Variants in UBE2D2 observed in about 807,000 individuals in gnomAD.
The protein encoded by UBE2D2 is ubiquitin-conjugating enzyme E2 D2.
In UBE2D2, 2 loss-of-function variants were observed where a neutral mutation model predicts 24.2. The ratio of observed to expected loss-of-function variants is 0.08; its 90% confidence interval spans 0.03 to 0.26. The LOEUF is 0.26. Ranked by LOEUF, UBE2D2 falls within the 10% of genes least tolerant of loss-of-function variation. The probability of loss-of-function intolerance (pLI) is 1.00; values close to 1 mark genes in which losing one functional copy is unlikely to be tolerated. For missense variants in UBE2D2, 44 were observed against 177.6 expected, an observed-to-expected ratio of 0.25 and a Z score of 4.28; for synonymous variants, 58 against 56.5, an observed-to-expected ratio of 1.03 and a Z score of -0.12.
At chr5:139,593,148 A>G (rs912731906) in intron 1 of UBE2D2, among the ~76,000 whole-genome samples, 2 of 151,818 alleles carry the variant, frequency 1.3e-5, no homozygotes, top group Non-Finnish European at 2.9e-5. Flanking sequence ...GGCAAGCGCC[A>G]CCACGCCCAG....
At chr5:139,562,371 A>G in intron 1 of UBE2D2, 1 of 1,334,198 alleles carries the variant, frequency 7.5e-7, no homozygotes, top group Non-Finnish European at 9.9e-7. Flanking sequence ...TTGTCCAGAA[A>G]CTGTTAAGAG....
intron 1 of UBE2D2, among the ~76,000 whole-genome samples, chr5:139,527,434 T>A (rs1330572380): frequency 6.6e-6 from 1 of 152,216 alleles, no homozygotes; most frequent in African/African-American, 2.4e-5. Context: ...AAAGGATAAT[T>A]GAAATCACAA....
chr5:139,628,069 A>G lies in UBE2D2; in HGVS notation c.*1268A>G, dbSNP rs1335716939. 1 of 152,672 alleles carries G rather than the reference A, an allele frequency of 6.5e-6. No homozygotes were observed. Among genetic ancestry groups the G allele is most frequent in the African/African-American group, 2.4e-5 (1 of 41,464 alleles). 9.5% of individuals were successfully genotyped at this position (152,672 alleles called of 1,614,324 possible). ...TTAAGCTTCTGTGATTGTAATTATA[A>G]AAGAGCAACATTGACCAAACCTGGG... On this transcript the variant is annotated 3_prime_UTR_variant, in exon 7 of 7. Transcript: ENST00000398733.
At chr5:139,584,482 C>T (rs911136371) in intron 1 of UBE2D2, among the ~76,000 whole-genome samples, 1 of 151,028 alleles carries the variant, frequency 6.6e-6, no homozygotes, top group African/African-American at 2.4e-5. Flanking sequence ...CTTGTTCTCT[C>T]GTGTTTTACA....
At chr5:139,573,276 T>A (rs1202845956) in intron 1 of UBE2D2, among the ~76,000 whole-genome samples, 3 of 146,472 alleles carry the variant, frequency 2.0e-5, no homozygotes, top group African/African-American at 5.1e-5. Context: ...TACTCCAGCC[T>A]GGACGACAGA....
At chr5:139,576,659 G>A (rs766769794) in intron 1 of UBE2D2, among the ~76,000 whole-genome samples, 5 of 151,886 alleles carry the variant, frequency 3.3e-5, no homozygotes, top group Non-Finnish European at 4.4e-5. Context: ...GAGCCACTGC[G>A]CCCAGCCAGT....
Position 139,566,944 on chromosome 5 carries a change from C to T in UBE2D2, c.24+5129C>T, listed in dbSNP as rs144467008. Among the ~76,000 whole-genome samples, 890 of 150,938 alleles carry T rather than the reference C, an allele frequency of 5.9e-3. 13 individuals carry two copies. Among genetic ancestry groups the T allele is most frequent in the African/African-American group, 0.018 (752 of 41,088 alleles). ...TAAAAAAAAAAAGAACAACAAAATA[C>T]GCATTTTTGGTCGACATCAGTTTAG... On this transcript the variant is annotated intron_variant, in intron 1 of 6. Transcript: ENST00000398733.
intron 2 of UBE2D2, among the ~76,000 whole-genome samples, chr5:139,613,616 C>T (rs1382947548): frequency 2.6e-5 from 4 of 152,158 alleles, no homozygotes; most frequent in East Asian, 1.9e-4. Flanking sequence ...CTTTTTTCCT[C>T]TTTAACTTAT....
intron 1 of UBE2D2, among the ~76,000 whole-genome samples, chr5:139,544,390 C>T (rs1034774828): frequency 6.6e-6 from 1 of 151,528 alleles, no homozygotes; most frequent in African/African-American, 2.4e-5. Context: ...CAGGTTCAAG[C>T]GATTTTCCTG....
chr5:139,529,455 A>G (rs536553004), intron 1 of UBE2D2, among the ~76,000 whole-genome samples: 2 of 152,316 alleles, frequency 1.3e-5, no homozygotes, highest in African/African-American at 4.8e-5. Context: ...GAAAATAAGT[A>G]CATCTGTCAA....
intron 1 of UBE2D2, among the ~76,000 whole-genome samples, chr5:139,535,705 G>A (rs1316950876): frequency 1.3e-5 from 2 of 152,126 alleles, no homozygotes; most frequent in Non-Finnish European, 2.9e-5. Flanking sequence ...AAGAGCATGA[G>A]GCAGGTTTCC....
Position 139,600,404 on chromosome 5 carries a change from A to G in UBE2D2, c.57A>G (p.Ala19=), listed in dbSNP as rs200338627. Reference sequence around the variant, plus strand: ...ATGATCTGGCACGGGACCCTCCAGCACAGTGTTCAGCAGGTCCTGTTGGAG... The same window carrying G: ...ATGATCTGGCACGGGACCCTCCAGCGCAGTGTTCAGCAGGTCCTGTTGGAG... The part of the protein sequence containing the change: ...ELNDLARDPP[A]QCSAGPVGDD... The change falls in exon 2 of 7, where the codon GCA becomes GCG. Residue 19 remains alanine (A), a synonymous_variant. Transcript: ENST00000398733. 6.2e-7 allele frequency: 1 copy of G among 1,614,146 alleles called. No homozygotes were observed. Among genetic ancestry groups the G allele is most frequent in the Non-Finnish European group, 8.5e-7 (1 of 1,180,016 alleles).
intron 1 of UBE2D2, among the ~76,000 whole-genome samples, chr5:139,532,398 C>T (rs1173801653): frequency 1.3e-5 from 2 of 151,102 alleles, no homozygotes; most frequent in African/African-American, 4.9e-5. Flanking sequence ...GTTGCCCAGG[C>T]TGGAGGGCAG....
At chr5:139,553,717 C>CTA (rs1752948895) in intron 1 of UBE2D2, among the ~76,000 whole-genome samples, 1 of 152,080 alleles carries the variant, frequency 6.6e-6, no homozygotes, top group Admixed American at 6.6e-5. Context: ...AATATTGTTT[C>CTA]TATACATATA....
intron 6 of UBE2D2, among the ~76,000 whole-genome samples, chr5:139,625,430 ACC>A (rs71574455): frequency 3.0e-3 from 65 of 21,966 alleles, no homozygotes; most frequent in African/African-American, 0.013. Context: ...ACCCACCCCC[ACC>A]CCCCCCCCTT....
chr5:139,573,476 T>C (rs1337445901), intron 1 of UBE2D2, among the ~76,000 whole-genome samples: 72 of 152,160 alleles, frequency 4.7e-4, no homozygotes. Context: ...TGAAAATTTG[T>C]TTCCAACAGA....
chr5:139,582,368 C>T lies in UBE2D2; in HGVS notation c.25-18004C>T, dbSNP rs149436703. On this transcript the variant is annotated intron_variant, in intron 1 of 6. Transcript: ENST00000398733. Reference sequence around the variant, plus strand: ...GCCTCTGCTTCCTGGTTTCAGGTGACGTCCAGCTAATTTTGTATTTTTAGT... The same window carrying T: ...GCCTCTGCTTCCTGGTTTCAGGTGATGTCCAGCTAATTTTGTATTTTTAGT... Among the ~76,000 whole-genome samples the T allele has an allele frequency of 8.6e-5, 13 of 151,132 alleles. No individual in the cohort carries two copies. The East Asian group carries it at 2.0e-3, about 23-fold the overall frequency.
chr5:139,538,955 G>T (rs1433702321), intron 1 of UBE2D2, among the ~76,000 whole-genome samples: 3 of 152,046 alleles, frequency 2.0e-5, no homozygotes, highest in African/African-American at 7.2e-5. Flanking sequence ...ATACTAGTTG[G>T]CAACAAAAGG....
intron 1 of UBE2D2, among the ~76,000 whole-genome samples, chr5:139,574,104 A>T (rs1753413855): frequency 6.7e-6 from 1 of 148,580 alleles, no homozygotes; most frequent in African/African-American, 2.5e-5. Context: ...TTTTGAGACG[A>T]AGTTTCGTTC....
Sources: allele counts gnomAD v4.1 joint callset (sites outside exome capture counted in the v4.1 genomes callset), GRCh38; gene constraint gnomAD v4.1.1; transcripts MANE v1.5; gene names NCBI Gene and HGNC (gene_info 2026-07-23, HGNC 2026-07-21).